Variants in ZFYVE16 observed in about 807,000 individuals in gnomAD.
ZFYVE16 encodes zinc finger FYVE domain-containing protein 16.
ZFYVE16 carries 89 observed loss-of-function variants against 138.1 expected under a neutral mutation model. The observed-to-expected ratio is 0.64, with a 90% CI of 0.54 to 0.77. The LOEUF (loss-of-function observed/expected upper bound fraction) is 0.77, where lower values mean the gene tolerates loss of function less well. Ranked by LOEUF, ZFYVE16 falls within the 30% of genes least tolerant of loss-of-function variation. The probability of loss-of-function intolerance (pLI) is 0.00; values close to 1 mark genes in which losing one functional copy is unlikely to be tolerated. For synonymous variants in ZFYVE16, 596 were observed against 618.3 expected (o/e 0.96, Z 0.53); for missense variants, 1,793 against 1,786.7 (o/e 1.00, Z -0.06).
In ZFYVE16 at chr5:80,459,442, T is replaced by C. The variant is rs1042362928; in HGVS notation, c.3972T>C (p.Asn1324=). 5.0e-6 allele frequency: 8 copies of C among 1,613,356 alleles called. No homozygotes were observed. Among genetic ancestry groups the C allele is most frequent in the Non-Finnish European group, 6.8e-6 (8 of 1,179,638 alleles). Reference sequence around the variant, plus strand: ...CAGGTGCAAGTTTTGTGGTATTCAATGGAGCTCTAAAAACATCTTCAGGAT... The same window carrying C: ...CAGGTGCAAGTTTTGTGGTATTCAACGGAGCTCTAAAAACATCTTCAGGAT... The part of the protein sequence containing the change: ...KVTGASFVVF[N]GALKTSSGFL... Residue 1324 remains asparagine, a synonymous_variant, in exon 15 of 19, where the codon AAT becomes AAC. Coordinates refer to ENST00000505560, the MANE Select transcript of ZFYVE16 (RefSeq NM_001284236.3).
At chr5:80,445,740 A>T (rs1751259310) in intron 7 of ZFYVE16, among the ~76,000 whole-genome samples, 1 of 131,100 alleles carries the variant, frequency 7.6e-6, no homozygotes, top group Non-Finnish European at 1.6e-5. Flanking sequence ...CTTTACTGTT[A>T]AAAAAAATGT....
intron 3 of ZFYVE16, among the ~76,000 whole-genome samples, chr5:80,435,122 C>A (rs1749690174): frequency 6.6e-6 from 1 of 152,184 alleles, no homozygotes; most frequent in Non-Finnish European, 1.5e-5. Context: ...GCAACTTCTG[C>A]CTCCCAGGTT....
intron 4 of ZFYVE16, 69 bp from the exon 5 acceptor site, chr5:80,439,867 C>T: frequency 7.5e-7 from 1 of 1,329,014 alleles, no homozygotes; most frequent in Non-Finnish European, 1.0e-6. Flanking sequence ...TTAGGACCTC[C>T]CCACACTGCC....
At chr5:80,408,568 G>A (rs1458347947) in intron 1 of ZFYVE16, among the ~76,000 whole-genome samples, 1 of 152,216 alleles carries the variant, frequency 6.6e-6, no homozygotes, top group African/African-American at 2.4e-5. Flanking sequence ...AGTGGCAGAG[G>A]CTCGGTCCCC....
chr5:80,436,393 C>T (rs752743311), intron 3 of ZFYVE16, among the ~76,000 whole-genome samples: 2 of 152,254 alleles, frequency 1.3e-5, no homozygotes, highest in East Asian at 1.9e-4. Flanking sequence ...TGCATGAGAT[C>T]AAGATCTAAG....
At chr5:80,455,632 A>C in intron 11 of ZFYVE16, 60 bp from the exon 12 acceptor site, 1 of 1,295,722 alleles carries the variant, frequency 7.7e-7, no homozygotes, top group Non-Finnish European at 1.1e-6. Flanking sequence ...GAAGGTAATA[A>C]ATTCAATAAT....
At chr5:80,420,361 A>G (rs1191543792) in intron 1 of ZFYVE16, among the ~76,000 whole-genome samples, 3 of 152,254 alleles carry the variant, frequency 2.0e-5, no homozygotes, top group South Asian at 4.1e-4. Context: ...TTGTTAACAT[A>G]TGTATACATG....
At chr5:80,452,784 G>T (rs554674430) in intron 11 of ZFYVE16, among the ~76,000 whole-genome samples, 3 of 152,162 alleles carry the variant, frequency 2.0e-5, no homozygotes, top group East Asian at 3.9e-4. Flanking sequence ...TCTGATGTTT[G>T]TCTCTCAAAG....
At position 80,483,082 on chromosome 5, in the gene ZFYVE16, TG is replaced by T. The variant is rs1755329604; in HGVS notation, c.*5707del. On this transcript the variant is annotated 3_prime_UTR_variant, in exon 19 of 19. Coordinates refer to ENST00000505560, the MANE Select transcript of ZFYVE16 (RefSeq NM_001284236.3). ...ACGAGTTTCACCATGTTGGTCAGGA[TG>T]GTCTCAAACTCCTGACCTCAGGTGA... 1 of 152,258 alleles carries T rather than the reference TG, an allele frequency of 6.6e-6. No individual in the cohort carries two copies. Among genetic ancestry groups the T allele is most frequent in the African/African-American group, 2.4e-5 (1 of 41,448 alleles). The allele number at this position is 152,258 out of a possible 1,614,324, so 9.4% of individuals were successfully genotyped here. A position where few individuals can be genotyped will look rare whatever the true frequency, so the allele number is the denominator to read the frequency against.
At chr5:80,459,602 T>A in intron 15 of ZFYVE16, 108 bp downstream of exon 15, 1 of 865,628 alleles carries the variant, frequency 1.2e-6, no homozygotes, top group Non-Finnish European at 1.7e-6. Flanking sequence ...TAAAGCACAG[T>A]ACCACAAACT....
intron 7 of ZFYVE16, among the ~76,000 whole-genome samples, chr5:80,446,552 A>G (rs113241762): frequency 7.5e-4 from 114 of 152,104 alleles, no homozygotes; most frequent in Non-Finnish European, 1.5e-3. Context: ...GTGTTTTGAT[A>G]TGTTATTTTT....
chr5:80,432,801 C>T (rs991051226), intron 2 of ZFYVE16, among the ~76,000 whole-genome samples: 1 of 152,160 alleles, frequency 6.6e-6, no homozygotes. Context: ...AGACACTTCT[C>T]AAAAGAAGAC....
rs747653262 is a variant in ZFYVE16 at position 80,437,143 on chromosome 5, A to AT, written c.462dup (p.Lys155Ter). ...GATATTAAAAAATTATTGCCAGATG[A>AT]TTTTAAGTCTAATGCAGATTCCTTG... On this transcript the variant is annotated frameshift_variant, in exon 4 of 19. Coordinates refer to ENST00000505560, the MANE Select transcript of ZFYVE16 (RefSeq NM_001284236.3). LOFTEE classifies it high-confidence loss of function. 23 of 1,613,848 alleles carry AT rather than the reference A, an allele frequency of 1.4e-5. No homozygotes were observed. Among genetic ancestry groups the AT allele is most frequent in the Non-Finnish European group, 1.9e-5 (22 of 1,179,944 alleles).
chr5:80,430,219 C>A (rs1748787869), intron 2 of ZFYVE16, among the ~76,000 whole-genome samples: 1 of 152,072 alleles, frequency 6.6e-6, no homozygotes, highest in African/African-American at 2.4e-5. Context: ...TGTAAAAGAA[C>A]AGAAATTATA....
intron 1 of ZFYVE16, among the ~76,000 whole-genome samples, chr5:80,420,109 T>C (rs1049201151): frequency 1.3e-4 from 18 of 140,576 alleles, no homozygotes; most frequent in African/African-American, 4.7e-4. Flanking sequence ...CGCGCCTGGC[T>C]TTTTTTTTTT....
At chr5:80,440,202 C>T in intron 5 of ZFYVE16, 170 bp downstream of exon 5, 1 of 1,235,554 alleles carries the variant, frequency 8.1e-7, no homozygotes, top group Non-Finnish European at 1.0e-6. Flanking sequence ...TTGTTCCACT[C>T]TCACAATTAA....
chr5:80,459,247 T>C (rs1752851256), intron 14 of ZFYVE16, among the ~76,000 whole-genome samples, 167 bp from the exon 15 acceptor site: 1 of 152,194 alleles, frequency 6.6e-6, no homozygotes, highest in Admixed American at 6.6e-5. Flanking sequence ...TATTTTAATG[T>C]AATATTTTAT....
chr5:80,426,234 G>GTC (rs1561245813), intron 1 of ZFYVE16, among the ~76,000 whole-genome samples: 3 of 131,968 alleles, frequency 2.3e-5, no homozygotes, highest in Admixed American at 8.6e-5. Flanking sequence ...GTGTGTATGT[G>GTC]TGTGTGTCTG....
At chr5:80,469,952 T>C (rs1265219338) in intron 15 of ZFYVE16, among the ~76,000 whole-genome samples, 2 of 151,918 alleles carry the variant, frequency 1.3e-5, no homozygotes, top group East Asian at 3.9e-4. Flanking sequence ...TATATGTTTA[T>C]TTAGCCCATA....
Sources: allele counts gnomAD v4.1 joint callset (sites outside exome capture counted in the v4.1 genomes callset), GRCh38; gene constraint gnomAD v4.1.1; transcripts MANE v1.5; gene names NCBI Gene and HGNC (gene_info 2026-07-23, HGNC 2026-07-21).